The following PHKA1 variants were observed in gnomAD, a reference collection of about 807,000 sequenced individuals.
The protein encoded by PHKA1 is phosphorylase kinase regulatory subunit alpha 1.
A neutral mutation model predicts 110.2 loss-of-function variants in PHKA1; 60 were observed. The ratio of observed to expected loss-of-function variants is 0.54; its 90% CI spans 0.44 to 0.68. The LOEUF (loss-of-function observed/expected upper bound fraction) is 0.68. PHKA1 is among the 30% of genes least tolerant of loss of function. The pLI is 0.00. For synonymous variants in PHKA1, 316 were observed against 333.6 expected (o/e 0.95, Z 0.58); for missense variants, 801 against 942.5 (o/e 0.85, Z 1.97).
chrX:72,702,254 C>G (rs1027386418), intron 3 of PHKA1, among the ~76,000 whole-genome samples: 1 of 111,038 alleles, frequency 9.0e-6, no homozygotes, highest in Non-Finnish European at 1.9e-5. Context: ...TTGAGACCAG[C>G]CTGGCCAACA....
chrX:72,591,140 T>C (rs2052514299), intron 29 of PHKA1, among the ~76,000 whole-genome samples: 1 of 111,895 alleles, frequency 8.9e-6, no homozygotes, highest in Admixed American at 9.5e-5. Context: ...CTATTCACAA[T>C]AGCAAAGACT....
intron 3 of PHKA1, among the ~76,000 whole-genome samples, chrX:72,701,612 G>A (rs2054206279): frequency 1.8e-5 from 2 of 111,099 alleles, no homozygotes; most frequent in South Asian, 7.7e-4. Context: ...CCAGCTCCTC[G>A]GGAGGCTGAG....
In PHKA1 at chrX:72,693,460, A is replaced by T. The variant is rs782223955; in HGVS notation, c.454+2248T>A. Among the ~76,000 whole-genome samples the T allele has an allele frequency of 3.6e-5, 4 of 111,924 alleles. No homozygotes were observed. In the South Asian group the frequency reaches 1.5e-3, roughly 42 times the overall value. On this transcript the variant is annotated intron_variant, in intron 4 of 31. Transcript: ENST00000373542. Reference sequence around the variant, plus strand: ...TACAGCCTGCCTCTCTCCCCAGCAAAATTTCCGTGCCAGTGCTCCAGAGCT... The same window carrying T: ...TACAGCCTGCCTCTCTCCCCAGCAATATTTCCGTGCCAGTGCTCCAGAGCT...
At chrX:72,636,207 G>A in intron 15 of PHKA1, 70 bp downstream of exon 15, 1 of 667,268 alleles carries the variant, frequency 1.5e-6, no homozygotes, top group East Asian at 3.3e-5. Flanking sequence ...TCCAGTAAAT[G>A]CTTTATTTCT....
chrX:72,710,852 ATTTTTATTTTTAT>A (rs1569454733), intron 2 of PHKA1, among the ~76,000 whole-genome samples: 32 of 86,645 alleles, frequency 3.7e-4, no homozygotes, highest in Non-Finnish European at 5.7e-4. Flanking sequence ...TTTTTTTTTT[ATTTTTATTTTTAT>A]TTTTTATTTT....
intron 5 of PHKA1, among the ~76,000 whole-genome samples, chrX:72,679,184 A>G (rs782315126): frequency 5.4e-5 from 6 of 111,871 alleles, no homozygotes; most frequent in Non-Finnish European, 7.5e-5. Context: ...AGAAAACTTC[A>G]TAATTCAGGG....
intron 6 of PHKA1, among the ~76,000 whole-genome samples, chrX:72,673,975 G>GC (rs1307952272): frequency 1.9e-4 from 14 of 72,183 alleles, no homozygotes; most frequent in Non-Finnish European, 3.4e-4. Flanking sequence ...CCCACAACAG[G>GC]CCCCGGTGTG....
At chrX:72,644,704 C>T (rs2053339985) in intron 13 of PHKA1, among the ~76,000 whole-genome samples, 1 of 111,783 alleles carries the variant, frequency 8.9e-6, no homozygotes, top group Non-Finnish European at 1.9e-5. Flanking sequence ...AAGACTAGAG[C>T]ATTAGATTTT....
intron 1 of PHKA1, 125 bp downstream of exon 1, chrX:72,713,670 TCACACACA>T (rs58583639): frequency 6.7e-5 from 32 of 479,027 alleles, no homozygotes; most frequent in African/African-American, 3.9e-4. Flanking sequence ...AAGGTCTCCG[TCACACACA>T]CACACACACA....
chrX:72,692,967 TACAGG>T (rs1556323258), intron 4 of PHKA1, among the ~76,000 whole-genome samples: 1 of 109,666 alleles, frequency 9.1e-6, no homozygotes, highest in Non-Finnish European at 1.9e-5. Context: ...CATTGGTGTT[TACAGG>T]TATAAACTTC....
In PHKA1 at chrX:72,690,871, G is replaced by A. The variant is rs904556833; in HGVS notation, c.454+4837C>T. 5.4e-5 allele frequency among the ~76,000 whole-genome samples: 6 copies of A among 111,886 alleles called. No individual in the cohort carries two copies. In the East Asian group the frequency reaches 1.4e-3, roughly 26 times the overall value. ...CAACCTCCGCCTCCCGGGTTCAAGC[G>A]ATTCTCCTGCCTCAGCCTCCTGAGT... On this transcript the variant is annotated intron_variant, in intron 4 of 31. Transcript: ENST00000373542.
intron 6 of PHKA1, among the ~76,000 whole-genome samples, chrX:72,668,670 G>A (rs1485341670): frequency 9.0e-6 from 1 of 111,300 alleles, no homozygotes; most frequent in East Asian, 2.8e-4. Flanking sequence ...GAGACCTATA[G>A]GGTAAGTAGA....
At position 72,584,970 on chromosome X, in the gene PHKA1, C is replaced by T. The variant is rs916126878; in HGVS notation, c.3244-668G>A. On this transcript the variant is annotated intron_variant, in intron 29 of 31. Transcript: ENST00000373542. Reference sequence around the variant, plus strand: ...CCTGTGTCCAAGTGTTCCCATTGTTCAATTCCCACCTATGAGTGAGAACAC... The same window carrying T: ...CCTGTGTCCAAGTGTTCCCATTGTTTAATTCCCACCTATGAGTGAGAACAC... 6.3e-5 allele frequency among the ~76,000 whole-genome samples: 6 copies of T among 95,590 alleles called. No individual in the cohort carries two copies. The East Asian group carries it at 1.0e-3, about 17-fold the overall frequency. The allele number at this position is 95,590 out of a possible 115,157, so 83.0% of individuals were successfully genotyped here.
At chrX:72,675,206 TAATAAATA>T (rs782156045) in intron 6 of PHKA1, among the ~76,000 whole-genome samples, 9 of 104,138 alleles carry the variant, frequency 8.6e-5, no homozygotes, top group African/African-American at 1.4e-4. Flanking sequence ...ATAATAATAA[TAATAAATA>T]AATAAATAAA....
At chrX:72,658,703 G>A (rs782649159) in intron 8 of PHKA1, among the ~76,000 whole-genome samples, 3 of 111,270 alleles carry the variant, frequency 2.7e-5, no homozygotes, top group Admixed American at 9.5e-5. Flanking sequence ...CCCTCGATTT[G>A]GTTTTGTTTG....
chrX:72,713,324 T>C (rs1569455333), intron 1 of PHKA1, among the ~76,000 whole-genome samples: 1 of 111,248 alleles, frequency 9.0e-6, no homozygotes, highest in Non-Finnish European at 1.9e-5. Flanking sequence ...TATGATTAAC[T>C]ACAGTCACCA....
chrX:72,605,258 C>A lies in PHKA1; in HGVS notation c.2815+13G>T, dbSNP rs1556248958. 2.5e-6 allele frequency: 3 copies of A among 1,185,975 alleles called. No homozygotes were observed. The Admixed American group carries it at 6.5e-5, about 26-fold the overall frequency. ...AAGTGAATTCCACCTAAAATAGTTA[C>A]TGAATTAAGTACCTGAGCATCGAAG... On this transcript the variant is annotated intron_variant, in intron 25 of 31. Coordinates refer to ENST00000373542, the MANE Select transcript of PHKA1 (RefSeq NM_002637.4).
At position 72,582,381 on chromosome X, in the gene PHKA1, A is replaced by T; in HGVS notation, c.3498+17T>A. On this transcript the variant is annotated intron_variant, in intron 31 of 31. Transcript: ENST00000373542. The stretch of plus-strand genomic sequence containing the variant: ...GTAAAAACATTTCTCTATTGAGAAA[A>T]CAACAGGTTTGCCTACCTGTTCTTG... 1 of 1,140,386 alleles carries T rather than the reference A, an allele frequency of 8.8e-7. No individual in the cohort carries two copies. The highest frequency in any genetic ancestry group is 1.2e-6 in the Non-Finnish European group (1 of 830,338). 94.0% of individuals were successfully genotyped at this position (1,140,386 alleles called of 1,213,427 possible).
At chrX:72,620,604 T>C (rs2052962454) in intron 19 of PHKA1, 121 bp downstream of exon 19, 1 of 532,869 alleles carries the variant, frequency 1.9e-6, no homozygotes, top group South Asian at 2.7e-5. Context: ...CTGTCTGAGA[T>C]GCGGGGGATA....
Sources: gnomAD v4.1 joint callset for allele counts (sites outside exome capture counted in the v4.1 genomes callset) on GRCh38, gnomAD v4.1.1 for gene constraint, MANE v1.5 for transcripts, NCBI Gene and HGNC (gene_info 2026-07-23, HGNC 2026-07-21) for gene names.